TECPR1: variants seen among roughly 807,000 people sequenced by gnomAD.
TECPR1 encodes the protein tectonin beta-propeller repeat-containing protein 1.
TECPR1 carries 122 observed loss-of-function variants against 162.4 expected under a neutral mutation model. The ratio of observed to expected loss-of-function variants is 0.75; its 90% CI spans 0.65 to 0.87. The LOEUF (loss-of-function observed/expected upper bound fraction) is 0.87. Among genes scored for constraint, TECPR1 ranks in the 40% least tolerant of loss-of-function variants. The probability of loss-of-function intolerance (pLI) is 0.00; values close to 1 mark genes in which losing one functional copy is unlikely to be tolerated. For missense variants in TECPR1, 1,432 were observed against 1,618.2 expected (o/e 0.88, Z 1.97); for synonymous variants, 642 against 670.6 (o/e 0.96, Z 0.66).
intron 20 of TECPR1, 37 bp from the exon 21 acceptor site, chr7:98,223,207 A>C: frequency 6.5e-7 from 1 of 1,545,782 alleles, no homozygotes; most frequent in South Asian, 1.2e-5. Flanking sequence ...CAGGGACCCC[A>C]AGGTGACCAC....
chr7:98,217,957 C>G lies in TECPR1; in HGVS notation c.3243G>C (p.Val1081=). 6.4e-7 allele frequency: 1 copy of G among 1,557,842 alleles called. No homozygotes were observed. The highest frequency in any genetic ancestry group is 8.7e-7 in the Non-Finnish European group (1 of 1,151,046). Residue 1081 remains valine, a synonymous_variant, in exon 24 of 26, where the codon GTG becomes GTC. Transcript: ENST00000447648. The part of the protein sequence containing the change: ...WEHVSNNVCR[V]SVGPLDQVWV... ...CCACCTGGTCCAGGGGCCCCACGGACACTCGGCACACGTTGTTGGACACGT... is the reference window on the plus strand; with the variant it reads ...CCACCTGGTCCAGGGGCCCCACGGAGACTCGGCACACGTTGTTGGACACGT...
Position 98,224,784 on chromosome 7 carries a change from T to G in TECPR1, c.2690+17A>C. 1 of 1,570,380 alleles carries G rather than the reference T, an allele frequency of 6.4e-7. No individual in the cohort carries two copies. The highest frequency in any genetic ancestry group is 8.6e-7 in the Non-Finnish European group (1 of 1,157,770). On this transcript the variant is annotated intron_variant, in intron 19 of 25. Coordinates refer to ENST00000447648, the MANE Select transcript of TECPR1 (RefSeq NM_015395.3). ...TTCAGGACCCAGCCCGAAGGCCCTGTGCAGGGAGAGGCTTACGCAGGGAAG... is the reference window on the plus strand; with the variant it reads ...TTCAGGACCCAGCCCGAAGGCCCTGGGCAGGGAGAGGCTTACGCAGGGAAG...
In TECPR1 at chr7:98,229,172, AG is replaced by A; in HGVS notation, c.2283-7del. 6.4e-7 allele frequency: 1 copy of A among 1,555,048 alleles called. No homozygotes were observed. The highest frequency in any genetic ancestry group is 8.7e-7 in the Non-Finnish European group (1 of 1,149,336). On this transcript the variant is annotated splice_polypyrimidine_tract_variant and splice_region_variant and intron_variant, in intron 15 of 25. Coordinates refer to ENST00000447648, the MANE Select transcript of TECPR1 (RefSeq NM_015395.3). ...CTCCCATCTGCCGCCAAAACCTGGAAGGATGGGAGAGGGCAGGTGGAAACCC... is the reference window on the plus strand; with the variant it reads ...CTCCCATCTGCCGCCAAAACCTGGAAGATGGGAGAGGGCAGGTGGAAACCC...
Sources: gnomAD v4.1 joint callset for allele counts on GRCh38, gnomAD v4.1.1 for gene constraint, MANE v1.5 for transcripts, NCBI Gene and HGNC (gene_info 2026-07-23, HGNC 2026-07-21) for gene names.